Variants in NAALADL2 observed in about 807,000 individuals in gnomAD.
NAALADL2 encodes the protein inactive N-acetylated-alpha-linked acidic dipeptidase-like protein 2.
In NAALADL2, 76 loss-of-function variants were observed where a neutral mutation model predicts 87.2. That is an observed-to-expected ratio of 0.87 (90% CI 0.72 to 1.05). The LOEUF (loss-of-function observed/expected upper bound fraction) is 1.05. NAALADL2 is among the 50% of genes least tolerant of loss of function. The pLI, the probability that NAALADL2 is intolerant of heterozygous loss-of-function variation, is 0.00. For missense variants in NAALADL2, 1,089 were observed against 945.8 expected (o/e 1.15, Z -1.99); for synonymous variants, 354 against 331.0 (o/e 1.07, Z -0.75).
At chr3:174,790,542 C>T (rs1005763770) in intron 3 of NAALADL2, among the ~76,000 whole-genome samples, 6 of 151,594 alleles carry the variant, frequency 4.0e-5, no homozygotes, top group African/African-American at 1.2e-4. Flanking sequence ...CAGCTACTCA[C>T]AAGGCTGAGG....
intron 2 of NAALADL2, among the ~76,000 whole-genome samples, chr3:175,107,511 TACACAC>T (rs776469358): frequency 2.0e-4 from 24 of 117,378 alleles, no homozygotes; most frequent in African/African-American, 4.1e-4. Flanking sequence ...AACACACACA[TACACAC>T]ACACACACAC....
intron 2 of NAALADL2, among the ~76,000 whole-genome samples, chr3:174,605,274 T>G (rs1000287605): frequency 6.6e-6 from 1 of 152,060 alleles, no homozygotes; most frequent in Non-Finnish European, 1.5e-5. Context: ...CCATCTGAGG[T>G]ACCGGGTTCA....
chr3:175,389,782 A>G (rs2149015269), intron 5 of NAALADL2, among the ~76,000 whole-genome samples: 1 of 152,268 alleles, frequency 6.6e-6, no homozygotes, highest in Non-Finnish European at 1.5e-5. Context: ...GTCAAAGAGG[A>G]GGCTTTGCTT....
intron 2 of NAALADL2, among the ~76,000 whole-genome samples, chr3:174,660,645 C>T (rs1578458590): frequency 6.6e-6 from 1 of 151,016 alleles, no homozygotes; most frequent in East Asian, 1.9e-4. Flanking sequence ...TGGACTTATT[C>T]TTTATGCCTT....
intron 2 of NAALADL2, among the ~76,000 whole-genome samples, chr3:175,223,603 A>ATACTTC (rs1231044927): frequency 6.6e-6 from 1 of 152,184 alleles, no homozygotes; most frequent in Admixed American, 6.6e-5. Context: ...AGGCATGTGA[A>ATACTTC]TACTTCTTTG....
intron 11 of NAALADL2, among the ~76,000 whole-genome samples, chr3:175,710,585 GAT>G (rs147185491): frequency 1.5e-4 from 22 of 145,900 alleles, no homozygotes; most frequent in African/African-American, 3.8e-4. Context: ...TACGTATTCA[GAT>G]ATATATATAT....
intron 2 of NAALADL2, among the ~76,000 whole-genome samples, chr3:174,667,440 A>G (rs1290137682): frequency 3.9e-5 from 6 of 152,198 alleles, no homozygotes; most frequent in Non-Finnish European, 7.4e-5. Flanking sequence ...AGCAGGTGGA[A>G]GGTCCACATT....
At chr3:174,606,018 C>T (rs1188428908) in intron 2 of NAALADL2, among the ~76,000 whole-genome samples, 1 of 152,178 alleles carries the variant, frequency 6.6e-6, no homozygotes, top group Non-Finnish European at 1.5e-5. Context: ...TCATGAAAAT[C>T]TGCTGTTCTG....
chr3:175,320,435 C>A (rs535617737), intron 4 of NAALADL2, among the ~76,000 whole-genome samples: 1 of 152,154 alleles, frequency 6.6e-6, no homozygotes, highest in Admixed American at 6.5e-5. Flanking sequence ...GAAGGAGACC[C>A]CCATAAGGTT....
intron 1 of NAALADL2, among the ~76,000 whole-genome samples, chr3:174,893,325 A>C (rs1731098727): frequency 6.8e-6 from 1 of 148,146 alleles, no homozygotes; most frequent in African/African-American, 2.5e-5. Context: ...CCCCCGCAAA[A>C]AGTTATTATT....
intron 11 of NAALADL2, among the ~76,000 whole-genome samples, chr3:175,641,887 A>G (rs979462084): frequency 6.6e-6 from 1 of 152,230 alleles, no homozygotes; most frequent in African/African-American, 2.4e-5. Flanking sequence ...AATGCCAGGT[A>G]TATTAGTTAC....
chr3:175,003,216 C>T (rs58423093), intron 1 of NAALADL2, among the ~76,000 whole-genome samples: 14,575 of 152,200 alleles, frequency 0.096, 767 homozygotes, highest in Middle Eastern at 0.2. Flanking sequence ...GGTATACTTA[C>T]AGCAGTAAGA....
chr3:174,638,926 A>G (rs1167960553), intron 2 of NAALADL2, among the ~76,000 whole-genome samples: 1 of 152,178 alleles, frequency 6.6e-6, no homozygotes, highest in African/African-American at 2.4e-5. Context: ...TAATTATCAA[A>G]TATCTATTTT....
intron 1 of NAALADL2, among the ~76,000 whole-genome samples, chr3:174,880,560 C>T (rs1255018313): frequency 6.6e-6 from 1 of 152,032 alleles, no homozygotes; most frequent in Admixed American, 6.6e-5. Context: ...TCTACCCTTG[C>T]ATCTCTCAAC....
intron 1 of NAALADL2, among the ~76,000 whole-genome samples, chr3:175,083,200 C>T (rs918680394): frequency 2.6e-5 from 4 of 152,190 alleles, no homozygotes; most frequent in Non-Finnish European, 5.9e-5. Context: ...CATCTTTTGT[C>T]CCCTGTTCCC....
intron 5 of NAALADL2, among the ~76,000 whole-genome samples, chr3:175,437,647 A>G (rs1466169085): frequency 2.0e-5 from 3 of 150,802 alleles, no homozygotes; most frequent in Non-Finnish European, 3.0e-5. Flanking sequence ...TGCCAAGTCA[A>G]TCCTAAGCCA....
intron 9 of NAALADL2, among the ~76,000 whole-genome samples, chr3:175,517,523 AT>A (rs1732023976): frequency 6.6e-6 from 1 of 152,216 alleles, no homozygotes; most frequent in Admixed American, 6.6e-5. Context: ...CAAATTTGCT[AT>A]TTGTGTTATT....
chr3:175,702,328 T>C (rs1561002243), intron 11 of NAALADL2, among the ~76,000 whole-genome samples: 1 of 152,288 alleles, frequency 6.6e-6, no homozygotes, highest in South Asian at 2.1e-4. Context: ...ATCTGTAATA[T>C]AAAGTTAATG....
chr3:175,704,432 T>C (rs4447773), intron 11 of NAALADL2, among the ~76,000 whole-genome samples: 40,620 of 152,052 alleles, frequency 0.27, 7,409 homozygotes, highest in African/African-American at 0.52. Flanking sequence ...CTTTACTTAT[T>C]TTTACGACAG....
Sources: gnomAD v4.1 joint callset for allele counts (sites outside exome capture counted in the v4.1 genomes callset) on GRCh38, gnomAD v4.1.1 for gene constraint, MANE v1.5 for transcripts, NCBI Gene and HGNC (gene_info 2026-07-23, HGNC 2026-07-21) for gene names.